The following TENM4 variants were observed in gnomAD, a reference collection of about 807,000 sequenced individuals.
The protein encoded by TENM4 is teneurin transmembrane protein 4, also known as teneurin-4.
TENM4 carries 82 observed loss-of-function variants against 243.3 expected under a neutral mutation model. That is an observed-to-expected ratio of 0.34 (90% CI 0.28 to 0.40). The LOEUF (loss-of-function observed/expected upper bound fraction) is 0.40, where lower values mean the gene tolerates loss of function less well. TENM4 is among the 10% of genes least tolerant of loss of function. The pLI, the probability that TENM4 is intolerant of heterozygous loss-of-function variation, is 1.00. For missense variants in TENM4, 3,138 were observed against 3,673.3 expected (o/e 0.85, Z 3.77); for synonymous variants, 1,412 against 1,456.3 (o/e 0.97, Z 0.69).
rs1256476522 is a variant in TENM4, at chr11:79,069,959, G to T, written c.-15C>A. 5.2e-6 allele frequency: 8 copies of T among 1,542,956 alleles called. No individual in the cohort carries two copies. The East Asian group carries it at 2.0e-4, about 38-fold the overall frequency. On this transcript the variant is annotated 5_prime_UTR_variant, in exon 5 of 34. Coordinates refer to ENST00000278550, the MANE Select transcript of TENM4 (RefSeq NM_001098816.3). The stretch of plus-strand genomic sequence containing the variant: ...TTCACGTCCATGGCCTCCGGCCCGC[G>T]CTCCTCCACATCCACAAACAGGGTC...
At chr11:79,303,334 C>T (rs1856578971) in intron 1 of TENM4, among the ~76,000 whole-genome samples, 1 of 152,136 alleles carries the variant, frequency 6.6e-6, no homozygotes. Context: ...CATATTTAAC[C>T]TCCCTAAGCC....
At chr11:79,335,339 C>A (rs1857129942) in intron 1 of TENM4, among the ~76,000 whole-genome samples, 1 of 152,188 alleles carries the variant, frequency 6.6e-6, no homozygotes, top group Non-Finnish European at 1.5e-5. Context: ...TAGGTCACTT[C>A]AGGGAGATTC....
intron 4 of TENM4, among the ~76,000 whole-genome samples, chr11:79,083,834 G>C (rs1398457504): frequency 1.3e-5 from 2 of 152,142 alleles, no homozygotes; most frequent in African/African-American, 4.8e-5. Context: ...TTGATAAATG[G>C]AACCTAACCA....
In TENM4 at chr11:78,676,113, T is replaced by TC. The variant is rs1175842526; in HGVS notation, c.5496+38dup. 4.2e-6 allele frequency: 6 copies of TC among 1,432,552 alleles called. No homozygotes were observed. The East Asian group carries it at 7.6e-5, about 18-fold the overall frequency. The allele number at this position is 1,432,552 out of a possible 1,614,324, so 88.7% of individuals were successfully genotyped here. On this transcript the variant is annotated intron_variant, in intron 30 of 33. Transcript: ENST00000278550. ...CCCCGTTCTCCCGTTCCCCATTCTT[T>TC]CCCCCCAGGACGCAGCCACCTCCAG...
intron 2 of TENM4, among the ~76,000 whole-genome samples, chr11:79,220,045 C>A (rs1012458269): frequency 6.6e-6 from 1 of 152,188 alleles, no homozygotes; most frequent in Non-Finnish European, 1.5e-5. Flanking sequence ...TACAGAAACC[C>A]GGGAGAAAAT....
chr11:79,138,330 T>TAA (rs1473021044), intron 4 of TENM4, among the ~76,000 whole-genome samples: 1 of 116,590 alleles, frequency 8.6e-6, no homozygotes, highest in African/African-American at 3.6e-5. Context: ...TATATATATA[T>TAA]TATATATATA....
At chr11:79,145,473 T>A (rs181783855) in intron 4 of TENM4, among the ~76,000 whole-genome samples, 234 of 152,248 alleles carry the variant, frequency 1.5e-3, no homozygotes, top group Middle Eastern at 3.4e-3. Context: ...TGTACTTTTT[T>A]AAAGTGCAGT....
rs377201054 is a variant in TENM4, at chr11:79,156,178, G to A, written c.-162-7372C>T. Among the ~76,000 whole-genome samples, 181 of 152,294 alleles carry A rather than the reference G, an allele frequency of 1.2e-3. 1 individual carries two copies. The South Asian group carries it at 0.035, about 29-fold the overall frequency. ...TATCCAGGAAACTCCAGAGGGACAG[G>A]TCTGGGCTTGCACTGTGGCTCCGGC... On this transcript the variant is annotated intron_variant, in intron 3 of 33. Coordinates refer to ENST00000278550, the MANE Select transcript of TENM4 (RefSeq NM_001098816.3).
intron 2 of TENM4, among the ~76,000 whole-genome samples, chr11:79,293,776 G>A (rs1430780761): frequency 2.0e-5 from 3 of 152,168 alleles, no homozygotes; most frequent in Non-Finnish European, 2.9e-5. Flanking sequence ...TGGCTTACCC[G>A]GTTTGGACCC....
intron 1 of TENM4, among the ~76,000 whole-genome samples, chr11:79,382,700 G>T (rs1394225235): frequency 6.6e-6 from 1 of 151,962 alleles, no homozygotes; most frequent in Non-Finnish European, 1.5e-5. Context: ...TGGGGAAGGG[G>T]TGCTACCGTG....
intron 16 of TENM4, 63 bp downstream of exon 16, chr11:78,786,835 C>A (rs372458567): frequency 5.2e-6 from 8 of 1,553,318 alleles, no homozygotes; most frequent in Non-Finnish European, 6.9e-6. Flanking sequence ...CCCTGAAATG[C>A]CCCAACAGAC....
chr11:79,380,508 T>C (rs572561564), intron 1 of TENM4, among the ~76,000 whole-genome samples: 1 of 152,162 alleles, frequency 6.6e-6, no homozygotes, highest in East Asian at 1.9e-4. Context: ...TACTGAAGAG[T>C]CATTTGGCTC....
chr11:79,361,988 A>C (rs1857597264), intron 1 of TENM4, among the ~76,000 whole-genome samples: 1 of 152,202 alleles, frequency 6.6e-6, no homozygotes, highest in Non-Finnish European at 1.5e-5. Flanking sequence ...AACACAGTAC[A>C]TATTTGTGAC....
In TENM4 at chr11:79,440,923, G is replaced by C. The variant is rs1392315851; in HGVS notation, c.-735C>G. ...CTCTTCTTCCCCTCCCTGCCTGCTC[G>C]CCTGCCTGCCTCCGTCCCCCACCCT... On this transcript the variant is annotated 5_prime_UTR_variant, in exon 1 of 34. Transcript: ENST00000278550. The surrounding 1 kb of genome is among the most constrained non-coding windows in gnomAD (Gnocchi z 4.7). 6.5e-6 allele frequency: 1 copy of C among 152,706 alleles called. No homozygotes were observed. The highest frequency in any genetic ancestry group is 1.5e-5 in the Non-Finnish European group (1 of 68,758). The allele number at this position is 152,706 out of a possible 1,614,324, so 9.5% of individuals were successfully genotyped here.
At chr11:78,713,560 G>A (rs1432264798) in intron 25 of TENM4, among the ~76,000 whole-genome samples, 1 of 152,152 alleles carries the variant, frequency 6.6e-6, no homozygotes, top group African/African-American at 2.4e-5. Context: ...GTCTAGCTCC[G>A]TAATTTCCTG....
Position 78,870,398 on chromosome 11 carries a change from T to G in TENM4, c.1085-7266A>C, listed in dbSNP as rs539591896. Among the ~76,000 whole-genome samples the G allele has an allele frequency of 7.6e-4, 116 of 152,312 alleles. 1 individual carries two copies. The highest frequency in any genetic ancestry group is 2.6e-3 in the African/African-American group (108 of 41,580). ...AGGGCCCTCACCTGCTCCCATTAGCTGACAGACTTTGGTAATGGGAACTAG... is the reference window on the plus strand; with the variant it reads ...AGGGCCCTCACCTGCTCCCATTAGCGGACAGACTTTGGTAATGGGAACTAG... On this transcript the variant is annotated intron_variant, in intron 9 of 33. Coordinates refer to ENST00000278550, the MANE Select transcript of TENM4 (RefSeq NM_001098816.3).
intron 16 of TENM4, among the ~76,000 whole-genome samples, chr11:78,785,617 A>G (rs945227264): frequency 2.0e-5 from 3 of 152,202 alleles, no homozygotes; most frequent in African/African-American, 7.2e-5. Flanking sequence ...TAATGCAGCT[A>G]AAGTTCTTAG....
chr11:79,028,011 G>T (rs983278816), intron 6 of TENM4, among the ~76,000 whole-genome samples: 3 of 152,164 alleles, frequency 2.0e-5, no homozygotes, highest in African/African-American at 4.8e-5. Context: ...ACCCTGAGAA[G>T]CCATAGATTG....
intron 12 of TENM4, among the ~76,000 whole-genome samples, chr11:78,834,486 G>A (rs544616161): frequency 7.2e-5 from 11 of 152,306 alleles, no homozygotes; most frequent in Admixed American, 2.0e-4. Flanking sequence ...GACTGTCATC[G>A]TAAGGTGATG....
Sources: gnomAD v4.1 joint callset for allele counts (sites outside exome capture counted in the v4.1 genomes callset) on GRCh38, gnomAD v4.1.1 for gene constraint, Gnocchi (gnomAD v3.1) non-coding constraint, MANE v1.5 for transcripts, NCBI Gene and HGNC (gene_info 2026-07-23, HGNC 2026-07-21) for gene names.